The following HIBCH variants were observed in gnomAD, a reference collection of about 807,000 sequenced individuals.
HIBCH encodes the protein 3-hydroxyisobutyryl-CoA hydrolase.
In HIBCH, 50 loss-of-function variants were observed where a neutral mutation model predicts 58.2. The observed-to-expected ratio is 0.86, with a 90% CI of 0.68 to 1.09. HIBCH has a LOEUF of 1.09. HIBCH is among the 50% of genes least tolerant of loss of function. HIBCH has a pLI of 0.00. For missense variants in HIBCH, 450 were observed against 449.7 expected (o/e 1.00, Z -0.01); for synonymous variants, 151 against 146.9 (o/e 1.03, Z -0.20).
chr2:190,238,881 A>G (rs1686365904), intron 11 of HIBCH, among the ~76,000 whole-genome samples: 1 of 152,150 alleles, frequency 6.6e-6, no homozygotes, highest in African/African-American at 2.4e-5. Context: ...CTTTAGATGG[A>G]TAGGTTGCAA....
At chr2:190,310,412 T>C (rs565721996) in intron 2 of HIBCH, among the ~76,000 whole-genome samples, 14 of 152,342 alleles carry the variant, frequency 9.2e-5, no homozygotes, top group Admixed American at 3.9e-4. Context: ...AATACAATTA[T>C]CTTATTTATC....
chr2:190,262,737 G>A (rs977715709), intron 6 of HIBCH, among the ~76,000 whole-genome samples: 5 of 152,258 alleles, frequency 3.3e-5, no homozygotes, highest in East Asian at 3.9e-4. Context: ...AGATCCATGC[G>A]GGGTAACTGA....
At chr2:190,246,752 T>C (rs1339142828) in intron 9 of HIBCH, among the ~76,000 whole-genome samples, 2 of 152,226 alleles carry the variant, frequency 1.3e-5, no homozygotes, top group African/African-American at 4.8e-5. Flanking sequence ...ACTTCCCACA[T>C]GACACAGTTT....
At chr2:190,271,487 C>T (rs887695093) in intron 6 of HIBCH, among the ~76,000 whole-genome samples, 5 of 151,840 alleles carry the variant, frequency 3.3e-5, no homozygotes, top group South Asian at 2.1e-4. Flanking sequence ...GACGGGGTTT[C>T]GCCATGTTGG....
intron 11 of HIBCH, among the ~76,000 whole-genome samples, chr2:190,229,772 A>T (rs1312903869): frequency 6.6e-6 from 1 of 152,224 alleles, no homozygotes; most frequent in South Asian, 2.1e-4. Flanking sequence ...TGTTTTCTAC[A>T]AGGGCAAATA....
chr2:190,249,699 C>G lies in HIBCH; in HGVS notation c.691G>C (p.Ala231Pro). ...KLAMLEEDLL[A>P]LKSPSKENIA... is the part of the protein sequence containing the mutation. The stretch of plus-strand genomic sequence containing the variant: ...TTTTCTTTTGAAGGAGATTTCAAGG[C>G]TAACAAATCTTCCTCTAACATGGCC... Residue 231 changes from alanine to proline, a missense_variant, in exon 9 of 14, where the codon GCC (alanine) becomes CCC (proline). Physicochemically the swap from Ala to Pro is conservative, Grantham distance 27. Coordinates refer to ENST00000359678, the MANE Select transcript of HIBCH (RefSeq NM_014362.4). The G allele has an allele frequency of 6.2e-7, 1 of 1,609,260 alleles. No individual in the cohort carries two copies.
At chr2:190,231,325 A>C (rs956487688) in intron 11 of HIBCH, among the ~76,000 whole-genome samples, 1 of 152,222 alleles carries the variant, frequency 6.6e-6, no homozygotes, top group African/African-American at 2.4e-5. Flanking sequence ...CACAGAAATC[A>C]ATACTGATAA....
At chr2:190,290,301 A>C in intron 5 of HIBCH, 104 bp downstream of exon 5, 1 of 798,552 alleles carries the variant, frequency 1.3e-6, no homozygotes, top group Non-Finnish European at 2.2e-6. Flanking sequence ...CATGGTATTA[A>C]AAGTTTAAGT....
At chr2:190,291,987 T>A (rs547237842) in intron 4 of HIBCH, among the ~76,000 whole-genome samples, 81 of 146,442 alleles carry the variant, frequency 5.5e-4, no homozygotes, top group African/African-American at 2.1e-3. Context: ...TCTTGTTTGT[T>A]TTTTGTTTGT....
At chr2:190,266,122 T>C (rs371130063) in intron 6 of HIBCH, among the ~76,000 whole-genome samples, 6 of 152,214 alleles carry the variant, frequency 3.9e-5, no homozygotes, top group Admixed American at 1.3e-4. Flanking sequence ...GGACAGATAA[T>C]GTATTCTGTA....
intron 11 of HIBCH, among the ~76,000 whole-genome samples, chr2:190,218,573 T>A (rs1268774375): frequency 3.3e-5 from 5 of 152,158 alleles, no homozygotes; most frequent in African/African-American, 1.2e-4. Context: ...ACACTAACTT[T>A]AAGGCAAACT....
intron 7 of HIBCH, among the ~76,000 whole-genome samples, chr2:190,258,112 C>T (rs898545039): frequency 1.3e-5 from 2 of 152,082 alleles, no homozygotes; most frequent in African/African-American, 4.8e-5. Flanking sequence ...AGATTTCCCC[C>T]TTGCTGTTCT....
chr2:190,194,281 A>AT (rs1689859166), intron 1 of HIBCH, among the ~76,000 whole-genome samples: 2 of 151,768 alleles, frequency 1.3e-5, no homozygotes, highest in Admixed American at 6.6e-5. Context: ...CAGAACACGT[A>AT]TTTTTTCTTT....
intron 6 of HIBCH, among the ~76,000 whole-genome samples, chr2:190,276,549 C>T (rs1010793018): frequency 6.6e-6 from 1 of 152,176 alleles, no homozygotes. Flanking sequence ...AATAAGTTCT[C>T]GCTCTATCAG....
At chr2:190,302,201 G>A (rs1325032816) in intron 2 of HIBCH, among the ~76,000 whole-genome samples, 2 of 152,202 alleles carry the variant, frequency 1.3e-5, no homozygotes, top group African/African-American at 2.4e-5. Flanking sequence ...ACAGCCTCTG[G>A]CAGAAGCCAA....
intron 3 of HIBCH, among the ~76,000 whole-genome samples, chr2:190,296,393 C>T (rs1222262080): frequency 6.9e-6 from 1 of 145,858 alleles, no homozygotes; most frequent in Non-Finnish European, 1.5e-5. Flanking sequence ...GCACTCCAGC[C>T]TGGGCGACAG....
At position 190,314,476 on chromosome 2, in the gene HIBCH, TTTGG is replaced by T. The variant is rs568425401; in HGVS notation, c.36-3684_36-3681del. Among the ~76,000 whole-genome samples, 228 of 151,466 alleles carry T rather than the reference TTTGG, an allele frequency of 1.5e-3. 3 individuals carry two copies. Among genetic ancestry groups the T allele is most frequent in the Middle Eastern group, 0.014 (4 of 290 alleles). On this transcript the variant is annotated intron_variant, in intron 1 of 13. Coordinates refer to ENST00000359678, the MANE Select transcript of HIBCH (RefSeq NM_014362.4). ...ATACTATATAATCACATTGCTTCCA[TTTGG>T]TTGGTTGGTTGGTTTTGAGACAGAG...
chr2:190,205,244 A>G lies in HIBCH; in HGVS notation c.1046-12T>C, dbSNP rs749121217. Reference sequence around the variant, plus strand: ...TTTATCAATTAAAACTGTCAAGAGAAGATACAAATGTTAATACCATTATTT... The same window carrying G: ...TTTATCAATTAAAACTGTCAAGAGAGGATACAAATGTTAATACCATTATTT... On this transcript the variant is annotated splice_polypyrimidine_tract_variant and intron_variant, in intron 13 of 13. Coordinates refer to ENST00000359678, the MANE Select transcript of HIBCH (RefSeq NM_014362.4). 3.7e-6 allele frequency: 5 copies of G among 1,364,522 alleles called. No individual in the cohort carries two copies. In the South Asian group the frequency reaches 5.8e-5, roughly 16 times the overall value. 84.5% of individuals were successfully genotyped at this position (1,364,522 alleles called of 1,614,324 possible). A position where few individuals can be genotyped will look rare whatever the true frequency, so the allele number is the denominator to read the frequency against.
At chr2:190,238,114 T>C (rs528551748) in intron 11 of HIBCH, among the ~76,000 whole-genome samples, 6 of 152,366 alleles carry the variant, frequency 3.9e-5, no homozygotes, top group South Asian at 4.1e-4. Context: ...CTATTGTAAA[T>C]AGTGCTGCAA....
Sources: gnomAD v4.1 joint callset for allele counts (sites outside exome capture counted in the v4.1 genomes callset) on GRCh38, gnomAD v4.1.1 for gene constraint, MANE v1.5 for transcripts, NCBI Gene and HGNC (gene_info 2026-07-23, HGNC 2026-07-21) for gene names.